LDLRAD4: variants seen among roughly 807,000 people sequenced by gnomAD.
The protein encoded by LDLRAD4 is low density lipoprotein receptor class A domain containing 4.
In LDLRAD4, 5 loss-of-function variants were observed where a neutral mutation model predicts 17.0. That is an observed-to-expected ratio of 0.29 (90% CI 0.15 to 0.62). The LOEUF (loss-of-function observed/expected upper bound fraction) is 0.62, where lower values mean the gene tolerates loss of function less well. LDLRAD4 is among the 20% of genes least tolerant of loss of function. The probability of loss-of-function intolerance (pLI) is 0.84; values close to 1 mark genes in which losing one functional copy is unlikely to be tolerated. For synonymous variants in LDLRAD4, 168 were observed against 171.8 expected (o/e 0.98, Z 0.17); for missense variants, 340 against 424.7 (o/e 0.80, Z 1.75).
chr18:13,248,699 T>A lies in LDLRAD4; in HGVS notation c.-466-29406T>A, dbSNP rs548955670. 3.3e-5 allele frequency among the ~76,000 whole-genome samples: 5 copies of A among 152,376 alleles called. No homozygotes were observed. In the South Asian group the frequency reaches 1.0e-3, roughly 32 times the overall value. On this transcript the variant is annotated intron_variant, in intron 1 of 5. Transcript: ENST00000399848. The stretch of plus-strand genomic sequence containing the variant: ...GTGATGTTTTGATACATATGTGTCG[T>A]GATCAGATCAGGGTAATTAGCATCT...
chr18:13,487,607 A>G (rs1057118855), intron 3 of LDLRAD4: 3 of 152,282 alleles, frequency 2.0e-5, no homozygotes, highest in African/African-American at 7.2e-5. Flanking sequence ...TTCTTCTTTC[A>G]TTCATCCAAT....
At chr18:13,346,533 C>T (rs149702151) in intron 1 of LDLRAD4, among the ~76,000 whole-genome samples, 3,652 of 152,206 alleles carry the variant, frequency 0.024, 72 homozygotes, top group Non-Finnish European at 0.04. Flanking sequence ...TGGTGTGGTG[C>T]TGAAAAGAAT....
At chr18:13,482,486 A>G (rs1455019875) in intron 3 of LDLRAD4, among the ~76,000 whole-genome samples, 1 of 152,232 alleles carries the variant, frequency 6.6e-6, no homozygotes, top group Non-Finnish European at 1.5e-5. Context: ...AGGGTGATTT[A>G]TTTACAAGCA....
chr18:13,476,822 A>T (rs1390749793), intron 3 of LDLRAD4, among the ~76,000 whole-genome samples: 1 of 152,130 alleles, frequency 6.6e-6, no homozygotes, highest in African/African-American at 2.4e-5. Context: ...GTGCCTGGTG[A>T]GGACTGTTCC....
chr18:13,490,638 G>A (rs935235867), intron 3 of LDLRAD4: 3 of 152,122 alleles, frequency 2.0e-5, no homozygotes, highest in Non-Finnish European at 2.9e-5. Flanking sequence ...TTTTCTATAT[G>A]TATATATTTT....
intron 3 of LDLRAD4, among the ~76,000 whole-genome samples, chr18:13,538,685 A>C (rs568150773): frequency 6.6e-6 from 1 of 152,220 alleles, no homozygotes; most frequent in South Asian, 2.1e-4. Flanking sequence ...CCAGTATTCC[A>C]AGATAATTTT....
At chr18:13,294,771 T>C (rs2046174494) in intron 1 of LDLRAD4, among the ~76,000 whole-genome samples, 1 of 151,920 alleles carries the variant, frequency 6.6e-6, no homozygotes, top group African/African-American at 2.4e-5. Context: ...CACTTGATAT[T>C]AGGACAGCCT....
intron 2 of LDLRAD4, among the ~76,000 whole-genome samples, chr18:13,437,831 C>T (rs529050355): frequency 6.6e-6 from 1 of 152,334 alleles, no homozygotes; most frequent in East Asian, 1.9e-4. Flanking sequence ...GTTCTGATGG[C>T]CCCTGCCACG....
At chr18:13,355,837 T>A (rs2083303656) in intron 1 of LDLRAD4, among the ~76,000 whole-genome samples, 1 of 152,156 alleles carries the variant, frequency 6.6e-6, no homozygotes, top group Admixed American at 6.5e-5. Context: ...TGCTTTGTTG[T>A]CCAGGCTGGT....
chr18:13,590,334 G>A (rs1168951601), intron 3 of LDLRAD4, among the ~76,000 whole-genome samples: 1 of 127,212 alleles, frequency 7.9e-6, no homozygotes, highest in East Asian at 2.2e-4. Flanking sequence ...GTATGTGGGG[G>A]GTAAGTGTGT....
At chr18:13,289,168 T>G (rs2045824254) in intron 1 of LDLRAD4, among the ~76,000 whole-genome samples, 1 of 152,232 alleles carries the variant, frequency 6.6e-6, no homozygotes. Context: ...TGTTTAGCAG[T>G]TGTTTTGAAT....
chr18:13,408,191 T>A (rs944176886), intron 2 of LDLRAD4, among the ~76,000 whole-genome samples: 3 of 151,986 alleles, frequency 2.0e-5, no homozygotes, highest in Non-Finnish European at 4.4e-5. Flanking sequence ...TTGGGCAACA[T>A]GGCGAAACCC....
At chr18:13,492,838 G>C (rs2093386492) in intron 3 of LDLRAD4, among the ~76,000 whole-genome samples, 1 of 152,180 alleles carries the variant, frequency 6.6e-6, no homozygotes, top group Non-Finnish European at 1.5e-5. Context: ...GTGGCAAATA[G>C]AGGAGAACGG....
intron 4 of LDLRAD4, among the ~76,000 whole-genome samples, chr18:13,629,950 T>C (rs2041515745): frequency 6.6e-6 from 1 of 152,288 alleles, no homozygotes; most frequent in South Asian, 2.1e-4. Flanking sequence ...TCTTCTCACA[T>C]GTGAGACGAG....
intron 3 of LDLRAD4, among the ~76,000 whole-genome samples, chr18:13,574,117 T>G (rs1435004159): frequency 6.6e-6 from 1 of 152,250 alleles, no homozygotes; most frequent in African/African-American, 2.4e-5. Flanking sequence ...ACTTGCTCAC[T>G]GCTCTTCTTT....
rs570894053 is a variant in LDLRAD4 at position 13,468,405 on chromosome 18, C to T, written c.181+30021C>T. Among the ~76,000 whole-genome samples, 8 of 152,250 alleles carry T rather than the reference C, an allele frequency of 5.3e-5. 1 individual carries two copies. Among genetic ancestry groups the T allele is most frequent in the African/African-American group, 1.9e-4 (8 of 41,532 alleles). The stretch of plus-strand genomic sequence containing the variant: ...GAACACTTTTACACTGTTGGTGGGA[C>T]TGTAAACTAGTTCAACCATTGTGGA... On this transcript the variant is annotated intron_variant, in intron 3 of 5. Coordinates refer to ENST00000359446, the Ensembl canonical transcript of LDLRAD4.
intron 1 of LDLRAD4, among the ~76,000 whole-genome samples, chr18:13,257,591 G>A (rs1487824504): frequency 1.3e-5 from 2 of 152,196 alleles, no homozygotes; most frequent in African/African-American, 2.4e-5. Flanking sequence ...CTGGATGTGA[G>A]ACACTGAGTG....
chr18:13,351,610 T>C (rs971993677), intron 1 of LDLRAD4, among the ~76,000 whole-genome samples: 1 of 152,054 alleles, frequency 6.6e-6, no homozygotes, highest in African/African-American at 2.4e-5. Flanking sequence ...AGTTCTGAAA[T>C]TGAGGAATTA....
chr18:13,337,739 G>GAAAAAAAAAAAAA (rs1491429518), intron 1 of LDLRAD4, among the ~76,000 whole-genome samples: 2 of 28,254 alleles, frequency 7.1e-5, no homozygotes, highest in African/African-American at 2.6e-4. Context: ...TTTACAAAAA[G>GAAAAAAAAAAAAA]TAAAAAAAAA....
Sources: allele counts gnomAD v4.1 joint callset (sites outside exome capture counted in the v4.1 genomes callset), GRCh38; gene constraint gnomAD v4.1.1; transcripts MANE v1.5; gene names NCBI Gene and HGNC (gene_info 2026-07-23, HGNC 2026-07-21).